Variants in UNC5D observed in about 807,000 individuals in gnomAD.
UNC5D encodes the protein netrin receptor UNC5D.
UNC5D carries 39 observed loss-of-function variants against 105.4 expected under a neutral mutation model. That is an observed-to-expected ratio of 0.37 (90% CI 0.29 to 0.48). The LOEUF (loss-of-function observed/expected upper bound fraction) is 0.48. UNC5D is among the 20% of genes least tolerant of loss of function. The probability of loss-of-function intolerance (pLI) is 0.98; values close to 1 mark genes in which losing one functional copy is unlikely to be tolerated. For missense variants in UNC5D, 991 were observed against 1,202.4 expected, an observed-to-expected ratio of 0.82 and a Z score of 2.60; for synonymous variants, 452 against 450.4, an observed-to-expected ratio of 1.00 and a Z score of -0.04.
At chr8:35,689,249 G>T (rs1586441671) in intron 7 of UNC5D, among the ~76,000 whole-genome samples, 1 of 152,210 alleles carries the variant, frequency 6.6e-6, no homozygotes, top group East Asian at 1.9e-4. Flanking sequence ...ATGTAAGAAA[G>T]AATTGTTATC....
chr8:35,397,174 G>A (rs1022718472), intron 1 of UNC5D, among the ~76,000 whole-genome samples: 4 of 151,948 alleles, frequency 2.6e-5, no homozygotes, highest in Admixed American at 1.3e-4. Context: ...CCAAAGTGCT[G>A]GGATTACAGG....
At chr8:35,692,352 A>AT (rs768096546) in intron 7 of UNC5D, among the ~76,000 whole-genome samples, 4 of 152,188 alleles carry the variant, frequency 2.6e-5, no homozygotes, top group Admixed American at 1.3e-4. Flanking sequence ...TTTGTTAAGC[A>AT]TTTTCTCTTG....
At chr8:35,533,363 G>A (rs62390783) in intron 1 of UNC5D, among the ~76,000 whole-genome samples, 1 of 152,030 alleles carries the variant, frequency 6.6e-6, no homozygotes, top group Non-Finnish European at 1.5e-5. Flanking sequence ...CTGCTCGGGG[G>A]TCAGGGGTCA....
At chr8:35,610,406 A>G (rs1051750764) in intron 4 of UNC5D, among the ~76,000 whole-genome samples, 5 of 152,212 alleles carry the variant, frequency 3.3e-5, no homozygotes, top group African/African-American at 7.2e-5. Context: ...CTTCTAGTGA[A>G]TATCCTAATC....
intron 7 of UNC5D, among the ~76,000 whole-genome samples, chr8:35,705,591 T>G (rs2131451088): frequency 6.6e-6 from 1 of 152,332 alleles, no homozygotes; most frequent in Non-Finnish European, 1.5e-5. Flanking sequence ...CTGAGCAGGC[T>G]TCTGGTTGTA....
chr8:35,749,914 A>G (rs1369193499), intron 12 of UNC5D, among the ~76,000 whole-genome samples: 4 of 151,338 alleles, frequency 2.6e-5, no homozygotes, highest in African/African-American at 9.8e-5. Flanking sequence ...TTTCAGTGGA[A>G]TGAAAGAGGA....
At chr8:35,251,145 C>T (rs945694103) in intron 1 of UNC5D, among the ~76,000 whole-genome samples, 3 of 152,184 alleles carry the variant, frequency 2.0e-5, no homozygotes, top group Non-Finnish European at 4.4e-5. Flanking sequence ...CTATACTCGT[C>T]TGTTCTCATG....
intron 1 of UNC5D, among the ~76,000 whole-genome samples, chr8:35,494,085 T>C (rs1811388222): frequency 1.3e-5 from 2 of 152,158 alleles, no homozygotes; most frequent in Admixed American, 6.6e-5. Flanking sequence ...TTTCTTATCC[T>C]CTCTTTTTTG....
At chr8:35,447,653 A>G (rs1807884946) in intron 1 of UNC5D, among the ~76,000 whole-genome samples, 1 of 152,124 alleles carries the variant, frequency 6.6e-6, no homozygotes, top group South Asian at 2.1e-4. Context: ...GTGTCCCCGC[A>G]TATCCCAATG....
At chr8:35,317,028 G>A (rs1809359192) in intron 1 of UNC5D, among the ~76,000 whole-genome samples, 1 of 152,022 alleles carries the variant, frequency 6.6e-6, no homozygotes. Flanking sequence ...CTAGCATTTT[G>A]GAAGAAACGT....
At chr8:35,613,374 C>A (rs1324308855) in intron 4 of UNC5D, among the ~76,000 whole-genome samples, 1 of 152,212 alleles carries the variant, frequency 6.6e-6, no homozygotes, top group Non-Finnish European at 1.5e-5. Flanking sequence ...CGCTCCTGGC[C>A]TCATGTTTTT....
At chr8:35,659,743 G>T (rs1823998408) in intron 4 of UNC5D, among the ~76,000 whole-genome samples, 1 of 152,146 alleles carries the variant, frequency 6.6e-6, no homozygotes, top group South Asian at 2.1e-4. Context: ...GCTTCTAATT[G>T]GTGCCTCTGT....
rs182456555 is a variant in UNC5D at position 35,407,236 on chromosome 8, A to C, written c.104-142056A>C. 2.9e-3 allele frequency among the ~76,000 whole-genome samples: 438 copies of C among 152,264 alleles called. 14 individuals carry two copies. Among genetic ancestry groups the C allele is most frequent in the Admixed American group, 0.023 (359 of 15,280 alleles). On this transcript the variant is annotated intron_variant, in intron 1 of 16. Transcript: ENST00000404895. ...TAGACAACAATATCTAAGTTTGTGTAAGTGTACTCTATGATGTTTGCACAA... is the reference window on the plus strand; with the variant it reads ...TAGACAACAATATCTAAGTTTGTGTCAGTGTACTCTATGATGTTTGCACAA...
intron 6 of UNC5D, 56 bp downstream of exon 6, chr8:35,684,805 G>T (rs1301711025): frequency 1.3e-6 from 2 of 1,501,342 alleles, no homozygotes; most frequent in African/African-American, 2.8e-5. Context: ...TATTAAGCTG[G>T]TGTGAAACAA....
intron 1 of UNC5D, among the ~76,000 whole-genome samples, chr8:35,295,437 A>G (rs992346287): frequency 2.6e-5 from 4 of 152,220 alleles, no homozygotes; most frequent in Admixed American, 1.3e-4. Context: ...TTTGAAAAAC[A>G]TCTGCATATA....
intron 1 of UNC5D, among the ~76,000 whole-genome samples, chr8:35,422,590 A>G (rs1283108526): frequency 6.6e-6 from 1 of 152,220 alleles, no homozygotes; most frequent in Non-Finnish European, 1.5e-5. Flanking sequence ...AAATTTCAGT[A>G]TCTATGCACA....
At chr8:35,510,043 C>A (rs1019356164) in intron 1 of UNC5D, among the ~76,000 whole-genome samples, 7 of 152,154 alleles carry the variant, frequency 4.6e-5, no homozygotes, top group Admixed American at 1.3e-4. Context: ...CAAGAACCTC[C>A]AGTGTCCAGC....
intron 4 of UNC5D, among the ~76,000 whole-genome samples, chr8:35,608,100 G>T (rs1319146132): frequency 6.6e-6 from 1 of 152,136 alleles, no homozygotes; most frequent in Non-Finnish European, 1.5e-5. Flanking sequence ...AGGTTCCCAG[G>T]TTCCAAATCA....
chr8:35,658,658 T>C (rs1202942678), intron 4 of UNC5D, among the ~76,000 whole-genome samples: 1 of 149,028 alleles, frequency 6.7e-6, no homozygotes, highest in African/African-American at 2.5e-5. Context: ...TTTTTTTTTT[T>C]TTTTTTTTCT....
Sources: allele counts gnomAD v4.1 joint callset (sites outside exome capture counted in the v4.1 genomes callset), GRCh38; gene constraint gnomAD v4.1.1; transcripts MANE v1.5; gene names NCBI Gene and HGNC (gene_info 2026-07-23, HGNC 2026-07-21).